The following MLLT1 variants were observed in gnomAD, a reference collection of about 807,000 sequenced individuals.
The protein encoded by MLLT1 is protein ENL.
MLLT1 carries 11 observed loss-of-function variants against 55.1 expected under a neutral mutation model. The ratio of observed to expected loss-of-function variants is 0.20; its 90% CI spans 0.13 to 0.33. MLLT1 has a LOEUF of 0.33. MLLT1 is among the 10% of genes least tolerant of loss of function. The probability of loss-of-function intolerance (pLI) is 1.00; values close to 1 mark genes in which losing one functional copy is unlikely to be tolerated. For synonymous variants in MLLT1, 323 were observed against 320.1 expected, an observed-to-expected ratio of 1.01 and a Z score of -0.10; for missense variants, 536 against 760.6, an observed-to-expected ratio of 0.70 and a Z score of 3.47.
chr19:6,214,030 A>G lies in MLLT1; in HGVS notation c.1316T>C (p.Phe439Ser). ...GCTGTTGTCACTCTCGCTGTCGCTG[A>G]AGCTCAACCTGAACCGACACACGGG... is the stretch of plus-strand genomic sequence containing the variant. The part of the protein sequence containing the change: ...TNPGRDSRLS[F>S]SDSESDNSAD... The change falls in exon 9 of 12, where the codon TTC (phenylalanine) becomes TCC (serine). Residue 439 changes from phenylalanine to serine, a missense_variant. Transcript: ENST00000252674. The G allele has an allele frequency of 6.9e-7, 1 of 1,442,906 alleles. No individual in the cohort carries two copies. The highest frequency in any genetic ancestry group is 9.1e-7 in the Non-Finnish European group (1 of 1,099,598). 89.4% of individuals were successfully genotyped at this position (1,442,906 alleles called of 1,614,324 possible).
intron 3 of MLLT1, among the ~76,000 whole-genome samples, chr19:6,237,601 CAAA>C (rs1232206376): frequency 5.6e-4 from 54 of 97,176 alleles, no homozygotes; most frequent in Non-Finnish European, 9.4e-4. Context: ...ACTAAAAATA[CAAA>C]AAAAAAAAAA....
Position 6,230,860 on chromosome 19 carries a change from C to T in MLLT1, c.277-147G>A. 2.0e-6 allele frequency: 2 copies of T among 991,556 alleles called. No individual in the cohort carries two copies. Among genetic ancestry groups the T allele is most frequent in the East Asian group, 2.5e-5 (1 of 40,558 alleles). 61.4% of individuals were successfully genotyped at this position (991,556 alleles called of 1,614,324 possible). On this transcript the variant is annotated intron_variant, in intron 3 of 11. Coordinates refer to ENST00000252674, the MANE Select transcript of MLLT1 (RefSeq NM_005934.4). The surrounding 1 kb of genome is among the most constrained non-coding windows in gnomAD (Gnocchi z 9.0). The stretch of plus-strand genomic sequence containing the variant: ...TGCGCCCACTTCTCTCTCAGGGCAC[C>T]TCCTGCCCTGCCCTTATTCAAAATC...
intron 7 of MLLT1, chr19:6,217,037 G>A (rs933109522): frequency 1.3e-5 from 2 of 154,186 alleles, no homozygotes; most frequent in African/African-American, 2.4e-5. Context: ...CCCTACAGAC[G>A]GCATCTTGGT....
At chr19:6,221,817 G>T (rs1264016010) in intron 6 of MLLT1, among the ~76,000 whole-genome samples, 2 of 152,246 alleles carry the variant, frequency 1.3e-5, no homozygotes, top group Non-Finnish European at 2.9e-5. Context: ...CATGCAGGGG[G>T]CTGCTGGAGG....
rs1407135164 is a variant in MLLT1 at position 6,219,175 on chromosome 19, C to G, written c.1111-1134G>C. Among the ~76,000 whole-genome samples, 4 of 152,182 alleles carry G rather than the reference C, an allele frequency of 2.6e-5. No individual in the cohort carries two copies. The highest frequency in any genetic ancestry group is 9.7e-5 in the African/African-American group (4 of 41,438). ...GAAAGCCCAAGGCCTCCCCAAGCAG[C>G]AGGTCCAGACTCACCCGTGCCTGAG... is the stretch of plus-strand genomic sequence containing the variant. On this transcript the variant is annotated intron_variant, in intron 6 of 11. Transcript: ENST00000252674. The surrounding 1 kb of genome is among the most constrained non-coding windows in gnomAD (Gnocchi z 4.5).
At position 6,222,222 on chromosome 19, in the gene MLLT1, T is replaced by G; in HGVS notation, c.1009A>C (p.Arg337=). The G allele has an allele frequency of 6.2e-7, 1 of 1,612,880 alleles. No individual in the cohort carries two copies. The highest frequency in any genetic ancestry group is 8.5e-7 in the Non-Finnish European group (1 of 1,179,560). The change falls in exon 6 of 12, where the codon AGA becomes CGA. Residue 337 remains arginine, a synonymous_variant. Coordinates refer to ENST00000252674, the MANE Select transcript of MLLT1 (RefSeq NM_005934.4). The surrounding 1 kb of genome is among the most constrained non-coding windows in gnomAD (Gnocchi z 4.1). ...KKPAKDKSST[R]GEKVKAESEP... is the part of the protein sequence containing the mutation. ...CTCTCGGCCTTCACCTTCTCCCCTC[T>G]GGTGCTGCTCTTGTCCTTGGCCGGC... is the stretch of plus-strand genomic sequence containing the variant.
chr19:6,230,477 C>G lies in MLLT1; in HGVS notation c.420+93G>C. ...TGACCTGCGCCTTGGGTCTCGGCCC[C>G]CAGCACCGACACCTCTGGCTGGGCA... On this transcript the variant is annotated intron_variant, in intron 4 of 11. Transcript: ENST00000252674. The surrounding 1 kb of genome is among the most constrained non-coding windows in gnomAD (Gnocchi z 9.0). 2 of 1,500,526 alleles carry G rather than the reference C, an allele frequency of 1.3e-6. No individual in the cohort carries two copies. The allele number at this position is 1,500,526 out of a possible 1,614,324, so 93.0% of individuals were successfully genotyped here.
At chr19:6,258,360 T>C (rs1482850620) in intron 3 of MLLT1, among the ~76,000 whole-genome samples, 1 of 152,148 alleles carries the variant, frequency 6.6e-6, no homozygotes, top group East Asian at 1.9e-4. Flanking sequence ...AACCCCAAAC[T>C]GATACTGTCA....
In MLLT1 at chr19:6,262,093, C is replaced by G; in HGVS notation, c.276+135G>C. ...CCAGGAATGGAGATGGTGACCAGCA[C>G]CCCCCGCAGCACTCACTGGAATGTC... is the stretch of plus-strand genomic sequence containing the variant. On this transcript the variant is annotated intron_variant, in intron 3 of 11. Transcript: ENST00000252674. The surrounding 1 kb of genome is among the most constrained non-coding windows in gnomAD (Gnocchi z 4.4). 1 of 685,064 alleles carries G rather than the reference C, an allele frequency of 1.5e-6. No individual in the cohort carries two copies. The highest frequency in any genetic ancestry group is 2.3e-5 in the Admixed American group (1 of 43,856). 42.4% of individuals were successfully genotyped at this position (685,064 alleles called of 1,614,324 possible). A position where few individuals can be genotyped will look rare whatever the true frequency, so the allele number is the denominator to read the frequency against.
rs960885349 is a variant in MLLT1, at chr19:6,256,551, G to A, written c.276+5677C>T. Among the ~76,000 whole-genome samples the A allele has an allele frequency of 1.3e-5, 2 of 152,062 alleles. No individual in the cohort carries two copies. Among genetic ancestry groups the A allele is most frequent in the South Asian group, 2.1e-4 (1 of 4,818 alleles). ...GGGTGGATCATGAGGTCAGGAGATCGAGACCATCCTGGCTAACACGGTGAA... is the reference window on the plus strand; with the variant it reads ...GGGTGGATCATGAGGTCAGGAGATCAAGACCATCCTGGCTAACACGGTGAA... On this transcript the variant is annotated intron_variant, in intron 3 of 11. Coordinates refer to ENST00000252674, the MANE Select transcript of MLLT1 (RefSeq NM_005934.4). This position sits in a 1 kb window ranked among gnomAD's most constrained non-coding sequence, Gnocchi z 4.1.
At chr19:6,215,914 G>A (rs2090838307) in intron 8 of MLLT1, among the ~76,000 whole-genome samples, 1 of 152,146 alleles carries the variant, frequency 6.6e-6, no homozygotes, top group Non-Finnish European at 1.5e-5. Flanking sequence ...CGGCACCCCT[G>A]TGCCTCCTGG....
rs985489323 is a variant in MLLT1, at chr19:6,229,860, C to T, written c.420+710G>A. Reference sequence around the variant, plus strand: ...ACGTACATACACATGACACACCACACACCGCACACGACACACAACACGCCA... The same window carrying T: ...ACGTACATACACATGACACACCACATACCGCACACGACACACAACACGCCA... On this transcript the variant is annotated intron_variant, in intron 4 of 11. Transcript: ENST00000252674. This position sits in a 1 kb window ranked among gnomAD's most constrained non-coding sequence, Gnocchi z 5.2. 6.6e-6 allele frequency among the ~76,000 whole-genome samples: 1 copy of T among 152,076 alleles called. No individual in the cohort carries two copies. Among genetic ancestry groups the T allele is most frequent in the African/African-American group, 2.4e-5 (1 of 41,370 alleles).
intron 3 of MLLT1, among the ~76,000 whole-genome samples, chr19:6,241,953 G>T (rs1253252821): frequency 6.6e-6 from 1 of 152,196 alleles, no homozygotes; most frequent in Non-Finnish European, 1.5e-5. Flanking sequence ...CGCTCTATGG[G>T]CTCACCAGAG....
intron 6 of MLLT1, among the ~76,000 whole-genome samples, chr19:6,221,396 G>T (rs116870594): frequency 1.3e-5 from 2 of 152,248 alleles, no homozygotes; most frequent in African/African-American, 4.8e-5. Context: ...ACCAGCTCTT[G>T]CGGCTCAAGT....
chr19:6,228,664 C>T (rs1006082466), intron 4 of MLLT1, among the ~76,000 whole-genome samples: 5 of 152,184 alleles, frequency 3.3e-5, no homozygotes, highest in African/African-American at 4.8e-5. Flanking sequence ...GCACCCACGG[C>T]GGGGGGCTGG....
intron 3 of MLLT1, among the ~76,000 whole-genome samples, chr19:6,236,476 G>C (rs1203127898): frequency 6.6e-6 from 1 of 152,152 alleles, no homozygotes; most frequent in Admixed American, 6.5e-5. Context: ...AGGGAAGGCA[G>C]CCACGACGAG....
chr19:6,250,735 G>A (rs1376034267), intron 3 of MLLT1, among the ~76,000 whole-genome samples: 2 of 152,102 alleles, frequency 1.3e-5, no homozygotes. Context: ...TGGATATGGA[G>A]GGCCAACTGT....
intron 3 of MLLT1, chr19:6,259,889 A>G (rs550178812): frequency 1.3e-5 from 2 of 151,972 alleles, no homozygotes; most frequent in Admixed American, 6.6e-5. Flanking sequence ...AACCTGCTAC[A>G]TCTAAAATGG....
rs1213839341 is a variant in MLLT1 at position 6,226,310 on chromosome 19, CA to C, written c.546+666del. On this transcript the variant is annotated intron_variant, in intron 5 of 11. Coordinates refer to ENST00000252674, the MANE Select transcript of MLLT1 (RefSeq NM_005934.4). This position sits in a 1 kb window ranked among gnomAD's most constrained non-coding sequence, Gnocchi z 6.3. ...CAGCTACAGAGGACTGGGGCGTGCT[CA>C]GGGGTTAAAGGGACACTGTGATGCC... is the stretch of plus-strand genomic sequence containing the variant. Among the ~76,000 whole-genome samples, 1 of 152,136 alleles carries C rather than the reference CA, an allele frequency of 6.6e-6. No homozygotes were observed. Among genetic ancestry groups the C allele is most frequent in the Non-Finnish European group, 1.5e-5 (1 of 68,026 alleles).
Sources: gnomAD v4.1 joint callset for allele counts (sites outside exome capture counted in the v4.1 genomes callset) on GRCh38, gnomAD v4.1.1 for gene constraint, Gnocchi (gnomAD v3.1) non-coding constraint, MANE v1.5 for transcripts, NCBI Gene and HGNC (gene_info 2026-07-23, HGNC 2026-07-21) for gene names.